The following PHACTR2 variants were observed in gnomAD, a reference collection of about 807,000 sequenced individuals.
The protein encoded by PHACTR2 is chromosome 6 open reading frame 56.
A neutral mutation model predicts 76.0 loss-of-function variants in PHACTR2; 30 were observed. The observed-to-expected ratio is 0.39, with a 90% CI of 0.30 to 0.54. The LOEUF (loss-of-function observed/expected upper bound fraction) is 0.54, where lower values mean the gene tolerates loss of function less well. Ranked by LOEUF, PHACTR2 falls within the 20% of genes least tolerant of loss-of-function variation. PHACTR2 has a pLI of 0.61. For synonymous variants in PHACTR2, 292 were observed against 292.5 expected (o/e 1.00, Z 0.02); for missense variants, 696 against 781.1 (o/e 0.89, Z 1.30).
Position 143,695,066 on chromosome 6 carries a change from T to C in PHACTR2, c.46+16857T>C, listed in dbSNP as rs1487044189. ...TCAGAATCTAGTGACCCTAGGTCCT[T>C]TTGTAAAATGATTAAAACTCTCCTT... On this transcript the variant is annotated intron_variant, in intron 1 of 12. Coordinates refer to ENST00000440869, the MANE Select transcript of PHACTR2 (RefSeq NM_001100164.2). The surrounding 1 kb of genome is among the most constrained non-coding windows in gnomAD (Gnocchi z 4.4). Among the ~76,000 whole-genome samples the C allele has an allele frequency of 6.6e-6, 1 of 152,210 alleles. No homozygotes were observed. The highest frequency in any genetic ancestry group is 6.5e-5 in the Admixed American group (1 of 15,276).
rs562736799 is a variant in PHACTR2 at position 143,552,972 on chromosome 6, C to T, written c.217+15765C>T. On this transcript the variant is annotated intron_variant, in intron 1 of 11. Transcript: ENST00000367584. Reference sequence around the variant, plus strand: ...ACATTGAAGAAACCTTTAGGAAAACCGGCATGATCTCTGATGTCCAGCTGC... The same window carrying T: ...ACATTGAAGAAACCTTTAGGAAAACTGGCATGATCTCTGATGTCCAGCTGC... 5.3e-5 allele frequency among the ~76,000 whole-genome samples: 8 copies of T among 151,868 alleles called. No homozygotes were observed. The East Asian group carries it at 5.8e-4, about 11-fold the overall frequency.
In PHACTR2 at chr6:143,599,487, CCTTGACAAG is replaced by C. The variant is rs1333965611; in HGVS notation, c.217+62281_217+62289del. Among the ~76,000 whole-genome samples the C allele has an allele frequency of 2.6e-5, 4 of 152,118 alleles. No individual in the cohort carries two copies. The highest frequency in any genetic ancestry group is 4.8e-5 in the African/African-American group (2 of 41,438). On this transcript the variant is annotated intron_variant, in intron 1 of 11. Coordinates refer to the PHACTR2 transcript ENST00000367584. The surrounding 1 kb of genome is among the most constrained non-coding windows in gnomAD (Gnocchi z 4.6). ...AGTGTTCTGGGAGCTACGAGGAAGA[CCTTGACAAG>C]ATTTCTACGTCTTTCATGGAAGCAA...
rs1775254168 is a variant in PHACTR2 at position 143,775,569 on chromosome 6, A to G, written c.1589+1354A>G. ...GTTACTGAGTAGCAGAACCAGAATT[A>G]GAATTTCGCTCCTGGGCTCTCTGCC... On this transcript the variant is annotated intron_variant, in intron 8 of 12. Transcript: ENST00000440869. The surrounding 1 kb of genome is among the most constrained non-coding windows in gnomAD (Gnocchi z 4.4). Among the ~76,000 whole-genome samples the G allele has an allele frequency of 6.6e-6, 1 of 152,214 alleles. No homozygotes were observed. The highest frequency in any genetic ancestry group is 1.5e-5 in the Non-Finnish European group (1 of 68,036).
upstream of PHACTR2, among the ~76,000 whole-genome samples, chr6:143,607,400 G>C (rs1366294291): frequency 6.6e-6 from 1 of 152,210 alleles, no homozygotes; most frequent in East Asian, 1.9e-4. Flanking sequence ...TGGTGTCTTT[G>C]AGAGTCATCT....
In PHACTR2 at chr6:143,656,794, C is replaced by T. The variant is rs1359028032; in HGVS notation, c.13+48472C>T. ...GCATGTCTGTTAGTTTTGCAATCCGCAAAAAGATGAACACAATAGACATGT... is the reference window on the plus strand; with the variant it reads ...GCATGTCTGTTAGTTTTGCAATCCGTAAAAAGATGAACACAATAGACATGT... On this transcript the variant is annotated intron_variant, in intron 1 of 11. Coordinates refer to the PHACTR2 transcript ENST00000305766. The surrounding 1 kb of genome is among the most constrained non-coding windows in gnomAD (Gnocchi z 5.3). Among the ~76,000 whole-genome samples the T allele has an allele frequency of 6.6e-6, 1 of 151,926 alleles. No homozygotes were observed. Among genetic ancestry groups the T allele is most frequent in the African/African-American group, 2.4e-5 (1 of 41,332 alleles).
rs1776659087 is a variant in PHACTR2 at position 143,646,307 on chromosome 6, T to G, written c.13+37985T>G. 6.6e-6 allele frequency among the ~76,000 whole-genome samples: 1 copy of G among 152,190 alleles called. No individual in the cohort carries two copies. The highest frequency in any genetic ancestry group is 2.4e-5 in the African/African-American group (1 of 41,452). Reference sequence around the variant, plus strand: ...TTTAAACTGAAAAACTCTATCCCACTTTAAAACTCCTAAATAGAACAAGCA... The same window carrying G: ...TTTAAACTGAAAAACTCTATCCCACGTTAAAACTCCTAAATAGAACAAGCA... On this transcript the variant is annotated intron_variant, in intron 1 of 11. Coordinates refer to the PHACTR2 transcript ENST00000305766. The surrounding 1 kb of genome is among the most constrained non-coding windows in gnomAD (Gnocchi z 4.1).
intron 11 of PHACTR2, among the ~76,000 whole-genome samples, chr6:143,796,322 T>C (rs1775819281): frequency 6.6e-6 from 1 of 152,208 alleles, no homozygotes; most frequent in Non-Finnish European, 1.5e-5. Flanking sequence ...TCTAGTTAAT[T>C]CTGGCCCCAC....
rs201343183 is a variant in PHACTR2 at position 143,754,830 on chromosome 6, AT to A, written c.454+922del. On this transcript the variant is annotated intron_variant, in intron 4 of 12. Transcript: ENST00000440869. The surrounding 1 kb of genome is among the most constrained non-coding windows in gnomAD (Gnocchi z 6.2). ...GTCTGTCTCTAAGTTGAATGGTAAA[AT>A]TTTGTCAAACCTAGTGTGTGTTCTG... Among the ~76,000 whole-genome samples, 1,301 of 152,298 alleles carry A rather than the reference AT, an allele frequency of 8.5e-3. 9 individuals carry two copies. Among genetic ancestry groups the A allele is most frequent in the African/African-American group, 0.028 (1,180 of 41,544 alleles).
chr6:143,802,094 C>T (rs1464466106), intron 11 of PHACTR2, among the ~76,000 whole-genome samples: 3 of 152,174 alleles, frequency 2.0e-5, no homozygotes, highest in African/African-American at 4.8e-5. Flanking sequence ...CCACTCACCA[C>T]TGGCCAATTT....
Position 143,598,091 on chromosome 6 carries a change from CG to C in PHACTR2, c.217+60885del, listed in dbSNP as rs374291036. On this transcript the variant is annotated intron_variant, in intron 1 of 11. Coordinates refer to the PHACTR2 transcript ENST00000367584. The surrounding 1 kb of genome is among the most constrained non-coding windows in gnomAD (Gnocchi z 4.1). ...ATAGTAGGTCGAAGAATGCCCCCCG[CG>C]CCCCCAAAAAAGAACCATATCTTAA... Among the ~76,000 whole-genome samples the C allele has an allele frequency of 4.0e-5, 6 of 151,608 alleles. No individual in the cohort carries two copies. Among genetic ancestry groups the C allele is most frequent in the Non-Finnish European group, 7.4e-5 (5 of 67,900 alleles).
Position 143,610,996 on chromosome 6 carries a change from C to T in PHACTR2, c.13+2674C>T, listed in dbSNP as rs1380795173. Among the ~76,000 whole-genome samples the T allele has an allele frequency of 6.6e-6, 1 of 152,072 alleles. No homozygotes were observed. Among genetic ancestry groups the T allele is most frequent in the Non-Finnish European group, 1.5e-5 (1 of 68,012 alleles). ...GCACACCTGTGACTACAAGCATCAT[C>T]AGCATTCTGCCAGTGCCACTATCCT... On this transcript the variant is annotated intron_variant, in intron 1 of 11. Transcript: ENST00000305766. This position sits in a 1 kb window ranked among gnomAD's most constrained non-coding sequence, Gnocchi z 4.9.
At chr6:143,771,198 A>ATATATATATATATATG (rs1775118439) in intron 6 of PHACTR2, among the ~76,000 whole-genome samples, 1 of 45,512 alleles carries the variant, frequency 2.2e-5, no homozygotes, top group African/African-American at 1.1e-4. Context: ...ATGTGTGTAT[A>ATATATATATATATATG]TATATATATA....
chr6:143,798,813 C>G (rs906059966), intron 11 of PHACTR2, among the ~76,000 whole-genome samples: 1 of 152,168 alleles, frequency 6.6e-6, no homozygotes, highest in Non-Finnish European at 1.5e-5. Context: ...GATTTTTGCA[C>G]TGATGTTCAT....
At position 143,580,193 on chromosome 6, in the gene PHACTR2, A is replaced by G. The variant is rs1775556110; in HGVS notation, c.217+42986A>G. Among the ~76,000 whole-genome samples, 1 of 152,180 alleles carries G rather than the reference A, an allele frequency of 6.6e-6. No homozygotes were observed. The highest frequency in any genetic ancestry group is 1.5e-5 in the Non-Finnish European group (1 of 68,038). The stretch of plus-strand genomic sequence containing the variant: ...GTGATATCCCATCCCTTTAGAAGGG[A>G]GTCAACTTGGGGCCGGGCGCAGTGG... On this transcript the variant is annotated intron_variant, in intron 1 of 11. Coordinates refer to the PHACTR2 transcript ENST00000367584. The surrounding 1 kb of genome is among the most constrained non-coding windows in gnomAD (Gnocchi z 4.2).
In PHACTR2 at chr6:143,537,732, G is replaced by A. The variant is rs1157873161; in HGVS notation, c.217+525G>A. ...CCCGGGATATGAGTTTTTCCTCCTTGCAAAAACCCATGAGGTTAATGGGGG... is the reference window on the plus strand; with the variant it reads ...CCCGGGATATGAGTTTTTCCTCCTTACAAAAACCCATGAGGTTAATGGGGG... On this transcript the variant is annotated intron_variant, in intron 1 of 11. Transcript: ENST00000367584. The surrounding 1 kb of genome is among the most constrained non-coding windows in gnomAD (Gnocchi z 4.4). 1.3e-5 allele frequency among the ~76,000 whole-genome samples: 2 copies of A among 152,128 alleles called. No individual in the cohort carries two copies. Among genetic ancestry groups the A allele is most frequent in the Non-Finnish European group, 2.9e-5 (2 of 68,002 alleles).
In PHACTR2 at chr6:143,625,054, G is replaced by T. The variant is rs950673758; in HGVS notation, c.13+16732G>T. 4.6e-5 allele frequency among the ~76,000 whole-genome samples: 7 copies of T among 152,016 alleles called. No individual in the cohort carries two copies. Among genetic ancestry groups the T allele is most frequent in the African/African-American group, 1.5e-4 (6 of 41,378 alleles). ...GCCTGTAATCCTAGCTACAGGGGAG[G>T]CTGAGGCAGGAGAATTGCTTGAACC... On this transcript the variant is annotated intron_variant, in intron 1 of 11. Transcript: ENST00000305766. This position sits in a 1 kb window ranked among gnomAD's most constrained non-coding sequence, Gnocchi z 4.3.
At chr6:143,568,314 T>C (rs1775391256) in intron 1 of PHACTR2, among the ~76,000 whole-genome samples, 1 of 152,178 alleles carries the variant, frequency 6.6e-6, no homozygotes, top group East Asian at 1.9e-4. Context: ...AGAGATGAGA[T>C]GAATTAAGGT....
chr6:143,773,606 T>C (rs1775204317), intron 7 of PHACTR2, among the ~76,000 whole-genome samples: 1 of 151,672 alleles, frequency 6.6e-6, no homozygotes, highest in African/African-American at 2.4e-5. Flanking sequence ...TCTGGGGTAA[T>C]TAAGGGTTAA....
intron 1 of PHACTR2, among the ~76,000 whole-genome samples, chr6:143,665,315 T>G (rs1777015982): frequency 6.6e-6 from 1 of 152,202 alleles, no homozygotes; most frequent in African/African-American, 2.4e-5. Context: ...GTCTCCTGCT[T>G]TCTAAATTTT....
Sources: allele counts gnomAD v4.1 joint callset (sites outside exome capture counted in the v4.1 genomes callset), GRCh38; gene constraint gnomAD v4.1.1; non-coding constraint Gnocchi (gnomAD v3.1); transcripts MANE v1.5; gene names NCBI Gene and HGNC (gene_info 2026-07-23, HGNC 2026-07-21).